Variants in GRID2 observed in about 807,000 individuals in gnomAD.
The protein encoded by GRID2 is glutamate receptor ionotropic, delta-2.
A neutral mutation model predicts 114.8 loss-of-function variants in GRID2; 33 were observed. The ratio of observed to expected loss-of-function variants is 0.29; its 90% CI spans 0.22 to 0.38. GRID2 has a LOEUF of 0.38. Among genes scored for constraint, GRID2 ranks in the 10% least tolerant of loss-of-function variants. GRID2 has a pLI of 1.00. For missense variants in GRID2, 1,184 were observed against 1,257.7 expected, an observed-to-expected ratio of 0.94 and a Z score of 0.89; for synonymous variants, 505 against 449.9, an observed-to-expected ratio of 1.12 and a Z score of -1.55.
intron 8 of GRID2, among the ~76,000 whole-genome samples, chr4:93,318,451 A>C (rs963318281): frequency 3.9e-5 from 6 of 152,062 alleles, no homozygotes; most frequent in Non-Finnish European, 7.4e-5. Context: ...TTAGTTTCTA[A>C]CTTGCAAGCC....
rs11097357 is a variant in GRID2 at position 93,131,605 on chromosome 4, T to A, written c.735+20652T>A. Among the ~76,000 whole-genome samples, 118 of 150,776 alleles carry A rather than the reference T, an allele frequency of 7.8e-4. 1 individual carries two copies. Among genetic ancestry groups the A allele is most frequent in the African/African-American group, 2.5e-3 (104 of 41,178 alleles). ...TTTAAAAATTAAAAATTAAAAATTT[T>A]ATTTAAATTTTTTTATTTTTATTTT... On this transcript the variant is annotated intron_variant, in intron 4 of 15. Transcript: ENST00000282020.
intron 2 of GRID2, among the ~76,000 whole-genome samples, chr4:92,717,757 G>T (rs2149314940): frequency 6.6e-6 from 1 of 152,186 alleles, no homozygotes; most frequent in African/African-American, 2.4e-5. Context: ...GTGTTTTATT[G>T]AATAACCACT....
At chr4:93,267,622 C>A (rs10005240) in intron 8 of GRID2, among the ~76,000 whole-genome samples, 105,233 of 151,994 alleles carry the variant, frequency 0.69, 36,935 homozygotes, top group Middle Eastern at 0.85. Context: ...CCAAGGTCCA[C>A]ATTCGCCACC....
rs937100658 is a variant in GRID2, at chr4:93,746,045, AT to A, written c.2361-23160del. Among the ~76,000 whole-genome samples, 92 of 152,258 alleles carry A rather than the reference AT, an allele frequency of 6.0e-4. No homozygotes were observed. The Middle Eastern group carries it at 0.01, about 17-fold the overall frequency. On this transcript the variant is annotated intron_variant, in intron 14 of 15. Coordinates refer to ENST00000282020, the MANE Select transcript of GRID2 (RefSeq NM_001510.4). Reference sequence around the variant, plus strand: ...GATAGTGTAACCATGAGCAACAGGTATTTTTGTGTCAAAGGACCAAAAATTG... The same window carrying A: ...GATAGTGTAACCATGAGCAACAGGTATTTTGTGTCAAAGGACCAAAAATTG...
intron 2 of GRID2, among the ~76,000 whole-genome samples, chr4:93,058,497 A>G (rs1239658709): frequency 6.6e-6 from 1 of 151,982 alleles, no homozygotes; most frequent in Non-Finnish European, 1.5e-5. Context: ...ACTAAGAGGC[A>G]ATGAGTTTGC....
intron 8 of GRID2, among the ~76,000 whole-genome samples, chr4:93,395,011 G>A (rs1372292764): frequency 6.6e-6 from 1 of 151,998 alleles, no homozygotes; most frequent in Non-Finnish European, 1.5e-5. Context: ...GTGAGTCATT[G>A]CAAGACTTTA....
chr4:92,455,431 T>C (rs1721161099), intron 1 of GRID2, among the ~76,000 whole-genome samples: 1 of 152,024 alleles, frequency 6.6e-6, no homozygotes, highest in South Asian at 2.1e-4. Context: ...CTGGGAAGAA[T>C]GTGAGAAGGA....
intron 1 of GRID2, among the ~76,000 whole-genome samples, chr4:92,386,123 G>A (rs1026748630): frequency 6.6e-6 from 1 of 151,486 alleles, no homozygotes; most frequent in African/African-American, 2.4e-5. Flanking sequence ...CTACAATGTA[G>A]TAACATTGTA....
intron 13 of GRID2, among the ~76,000 whole-genome samples, chr4:93,614,172 G>A (rs1360966728): frequency 1.2e-4 from 18 of 152,274 alleles, no homozygotes; most frequent in Admixed American, 9.8e-4. Context: ...GCTTCAGCTC[G>A]CGCACGGTGC....
intron 12 of GRID2, 123 bp from the exon 13 acceptor site, chr4:93,515,093 T>A: frequency 2.2e-6 from 1 of 446,910 alleles, no homozygotes; most frequent in East Asian, 3.4e-5. Context: ...AACAATAAAA[T>A]AAGAAAAGCA....
intron 1 of GRID2, among the ~76,000 whole-genome samples, chr4:92,350,574 ATTTG>A (rs1200120293): frequency 2.0e-5 from 3 of 151,418 alleles, no homozygotes; most frequent in East Asian, 1.9e-4. Flanking sequence ...GTTACTTTTT[ATTTG>A]TTTGTTGACG....
chr4:92,624,058 C>A (rs542140186), intron 2 of GRID2, among the ~76,000 whole-genome samples: 4 of 151,884 alleles, frequency 2.6e-5, no homozygotes, highest in Admixed American at 1.3e-4. Context: ...TTTCTACTTT[C>A]AATTCAATAA....
At chr4:93,790,820 C>T (rs1734680069) in intron 1 of GRID2, among the ~76,000 whole-genome samples, 1 of 152,148 alleles carries the variant, frequency 6.6e-6, no homozygotes, top group African/African-American at 2.4e-5. Context: ...CATTTGTCAG[C>T]TGTGCTACCC....
intron 2 of GRID2, among the ~76,000 whole-genome samples, chr4:93,042,615 C>CTT (rs1478869488): frequency 3.8e-5 from 5 of 130,630 alleles, no homozygotes; most frequent in African/African-American, 1.4e-4. Flanking sequence ...TCTTTTCTCT[C>CTT]TCTCTCTCTC....
At chr4:93,767,510 G>A (rs1181765679) in intron 14 of GRID2, among the ~76,000 whole-genome samples, 1 of 152,166 alleles carries the variant, frequency 6.6e-6, no homozygotes, top group East Asian at 1.9e-4. Context: ...AAAGGTCCAG[G>A]TTGTGGGGGA....
At chr4:93,305,888 G>T (rs567938674) in intron 8 of GRID2, among the ~76,000 whole-genome samples, 2 of 152,220 alleles carry the variant, frequency 1.3e-5, no homozygotes, top group African/African-American at 2.4e-5. Context: ...AGAGTCAAAA[G>T]TCTATAAATC....
At chr4:92,526,816 T>C (rs1455756041) in intron 1 of GRID2, among the ~76,000 whole-genome samples, 1 of 152,010 alleles carries the variant, frequency 6.6e-6, no homozygotes, top group Non-Finnish European at 1.5e-5. Flanking sequence ...AATGTTATGA[T>C]GGAGGAAATG....
intron 2 of GRID2, among the ~76,000 whole-genome samples, chr4:92,706,606 T>A (rs1734969737): frequency 6.6e-6 from 1 of 151,986 alleles, no homozygotes; most frequent in South Asian, 2.1e-4. Context: ...ATGTGGAGGG[T>A]GCTATTAGTG....
At chr4:93,551,096 T>A (rs189739861) in intron 13 of GRID2, among the ~76,000 whole-genome samples, 1 of 152,336 alleles carries the variant, frequency 6.6e-6, no homozygotes, top group East Asian at 1.9e-4. Context: ...TCAAGCTATC[T>A]ATGTGAAACA....
Sources: allele counts gnomAD v4.1 joint callset (sites outside exome capture counted in the v4.1 genomes callset), GRCh38; gene constraint gnomAD v4.1.1; transcripts MANE v1.5; gene names NCBI Gene and HGNC (gene_info 2026-07-23, HGNC 2026-07-21).